Variants in PCDHA3 observed in about 807,000 individuals in gnomAD.
The protein encoded by PCDHA3 is protocadherin alpha-3.
A neutral mutation model predicts 62.2 loss-of-function variants in PCDHA3; 41 were observed. The observed-to-expected ratio is 0.66, with a 90% confidence interval of 0.51 to 0.86. The LOEUF (loss-of-function observed/expected upper bound fraction) is 0.86. PCDHA3 is among the 40% of genes least tolerant of loss of function. The probability of loss-of-function intolerance (pLI) is 0.00; values close to 1 mark genes in which losing one functional copy is unlikely to be tolerated. For synonymous variants in PCDHA3, 640 were observed against 555.4 expected (o/e 1.15, Z -2.14); for missense variants, 1,304 against 1,241.2 (o/e 1.05, Z -0.76).
At chr5:140,987,232 A>G (rs1554248942) in intron 3 of PCDHA3, among the ~76,000 whole-genome samples, 1 of 151,894 alleles carries the variant, frequency 6.6e-6, no homozygotes, top group African/African-American at 2.4e-5. Flanking sequence ...AAAAAATAAT[A>G]AATAAAGAAA....
chr5:140,802,325 C>G lies in PCDHA3; in HGVS notation c.1128C>G (p.Asp376Glu), dbSNP rs1554122039. ...TCATCGCTCTGATCAGCGTGTCCGACCGCGACTCAGGAGTCAATGGACAGG... is the reference window on the plus strand; with the variant it reads ...TCATCGCTCTGATCAGCGTGTCCGAGCGCGACTCAGGAGTCAATGGACAGG... Reference protein sequence around the residue: ...STVIALISVSDRDSGVNGQVT... With the variant: ...STVIALISVSERDSGVNGQVT... Residue 376 changes from aspartate (D) to glutamate (E), a missense_variant, in exon 1 of 4, where the codon GAC becomes GAG. By Grantham distance (45) the Asp-to-Glu change is conservative. Transcript: ENST00000522353. The G allele has an allele frequency of 1.9e-6, 3 of 1,614,134 alleles. No individual in the cohort carries two copies. In the African/African-American group the frequency reaches 4.0e-5, roughly 22 times the overall value.
At chr5:140,901,502 T>G (rs782679945) in intron 1 of PCDHA3, among the ~76,000 whole-genome samples, 1 of 152,182 alleles carries the variant, frequency 6.6e-6, no homozygotes, top group Non-Finnish European at 1.5e-5. Context: ...CGAAAATGAG[T>G]TCATTATAGA....
At chr5:140,822,961 C>T (rs1220771732) in intron 1 of PCDHA3, 20 of 1,614,146 alleles carry the variant, frequency 1.2e-5, no homozygotes, top group Non-Finnish European at 1.7e-5. Context: ...TCCCTTCAAG[C>T]TGGTGTCCAC....
chr5:140,886,931 G>C (rs1426144437), intron 1 of PCDHA3, among the ~76,000 whole-genome samples: 1 of 151,756 alleles, frequency 6.6e-6, no homozygotes, highest in South Asian at 2.1e-4. Flanking sequence ...CTATGTGCCA[G>C]GCATGTTCTA....
At chr5:140,923,950 C>T (rs544576500) in intron 1 of PCDHA3, among the ~76,000 whole-genome samples, 3 of 152,266 alleles carry the variant, frequency 2.0e-5, no homozygotes, top group Admixed American at 6.5e-5. Flanking sequence ...TTTTTCCTCA[C>T]GCCCTAATCT....
intron 1 of PCDHA3, chr5:140,830,205 G>A: frequency 1.9e-6 from 3 of 1,613,780 alleles, no homozygotes; most frequent in Non-Finnish European, 2.5e-6. Context: ...ATCGCCATCT[G>A]CGCGGTATCC....
intron 1 of PCDHA3, chr5:140,863,475 C>T: frequency 2.1e-6 from 1 of 481,584 alleles, no homozygotes; most frequent in South Asian, 1.6e-5. Flanking sequence ...TGGAGAGTCG[C>T]CTCCCAAGGT....
intron 1 of PCDHA3, chr5:140,967,116 G>A: frequency 1.2e-6 from 2 of 1,612,922 alleles, no homozygotes; most frequent in Non-Finnish European, 1.7e-6. Context: ...CGGCCTCGCT[G>A]CCTGCTCAGC....
chr5:140,801,802 G>T lies in PCDHA3; in HGVS notation c.605G>T (p.Arg202Leu), dbSNP rs782120718. Residue 202 changes from arginine (R) to leucine (L), a missense_variant, in exon 1 of 4, where the codon CGA becomes CTA. Coordinates refer to ENST00000522353, the MANE Select transcript of PCDHA3 (RefSeq NM_018906.3). Reference sequence around the variant, plus strand: ...CTCGTGTTGAAAAAAAATTTAAATCGAGAGGACACTCCTAAGCATTATTTA... The same window carrying T: ...CTCGTGTTGAAAAAAAATTTAAATCTAGAGGACACTCCTAAGCATTATTTA... ...LGLVLKKNLNREDTPKHYLLI... is the reference protein window; with the variant it reads ...LGLVLKKNLNLEDTPKHYLLI... 6.2e-7 allele frequency: 1 copy of T among 1,613,962 alleles called. No individual in the cohort carries two copies. The highest frequency in any genetic ancestry group is 8.5e-7 in the Non-Finnish European group (1 of 1,180,018).
At position 140,835,349 on chromosome 5, in the gene PCDHA3, T is replaced by C. The variant is rs2150234349; in HGVS notation, c.2394+31758T>C. ...GAGCACACAAGATCCCAGTCGAGGC[T>C]GTCGATAAAGGCTTCCCACCCCTGG... On this transcript the variant is annotated intron_variant, in intron 1 of 3. Coordinates refer to ENST00000522353, the MANE Select transcript of PCDHA3 (RefSeq NM_018906.3). 5.4e-5 allele frequency: 87 copies of C among 1,613,822 alleles called. No individual in the cohort carries two copies. In the Middle Eastern group the frequency reaches 9.9e-4, roughly 18 times the overall value.
At chr5:140,884,357 A>G (rs1562803365) in intron 1 of PCDHA3, 1 of 1,613,864 alleles carries the variant, frequency 6.2e-7, no homozygotes, top group Non-Finnish European at 8.5e-7. Flanking sequence ...GGTGGATGTC[A>G]ATGTTTACTT....
chr5:140,866,703 G>A (rs553518884), intron 1 of PCDHA3: 1 of 152,106 alleles, frequency 6.6e-6, no homozygotes, highest in East Asian at 1.9e-4. Flanking sequence ...AGTGGATGAC[G>A]TGCACTAGTA....
intron 1 of PCDHA3, among the ~76,000 whole-genome samples, chr5:140,827,296 A>G (rs1554130748): frequency 6.6e-6 from 1 of 152,262 alleles, no homozygotes; most frequent in East Asian, 1.9e-4. Flanking sequence ...AAAACAGCAA[A>G]GCACAATGGG....
chr5:140,877,014 C>A lies in PCDHA3; in HGVS notation c.2394+73423C>A, dbSNP rs559122507. On this transcript the variant is annotated intron_variant, in intron 1 of 3. Coordinates refer to ENST00000522353, the MANE Select transcript of PCDHA3 (RefSeq NM_018906.3). ...GCTACGTGTCGGTGCACGCGGAGAG[C>A]GGCAAGGTGTACGCGCTGCAGCCGC... is the stretch of plus-strand genomic sequence containing the variant. 5 of 1,612,440 alleles carry A rather than the reference C, an allele frequency of 3.1e-6. No homozygotes were observed. In the African/African-American group the frequency reaches 4.0e-5, roughly 13 times the overall value.
Position 140,870,112 on chromosome 5 carries a change from G to T in PCDHA3, c.2394+66521G>T, listed in dbSNP as rs781902121. ...AATGGCAGGTCACTGTACAGTCTGG[G>T]TGGAAATCTTGGACACCAACGATAA... On this transcript the variant is annotated intron_variant, in intron 1 of 3. Transcript: ENST00000522353. 2 of 1,613,938 alleles carry T rather than the reference G, an allele frequency of 1.2e-6. No homozygotes were observed. The highest frequency in any genetic ancestry group is 2.2e-5 in the South Asian group (2 of 91,080).
At position 140,801,375 on chromosome 5, in the gene PCDHA3, G is replaced by C. The variant is rs781848330; in HGVS notation, c.178G>C (p.Val60Leu). Residue 60 changes from valine to leucine, a missense_variant, in exon 1 of 4, where the codon GTG becomes CTG. Transcript: ENST00000522353. ...CCTGGGGCTGGAGCTGGCGGAGCTG[G>C]TGCCGCGCCTGTTCCGGGTGGCGTC... ...QDLGLELAEL[V>L]PRLFRVASKR... 15 of 1,613,516 alleles carry C rather than the reference G, an allele frequency of 9.3e-6. No homozygotes were observed. In the South Asian group the frequency reaches 1.6e-4, roughly 18 times the overall value.
intron 1 of PCDHA3, among the ~76,000 whole-genome samples, chr5:140,960,911 G>A (rs2095578426): frequency 6.6e-6 from 1 of 152,284 alleles, no homozygotes; most frequent in Non-Finnish European, 1.5e-5. Context: ...TTGAGTTTCA[G>A]ATAGAAAATT....
intron 1 of PCDHA3, chr5:140,841,123 T>C: frequency 1.6e-6 from 1 of 643,846 alleles, no homozygotes; most frequent in Non-Finnish European, 2.6e-6. Context: ...ATGTAATCAT[T>C]ACCTTTTGAA....
intron 1 of PCDHA3, chr5:140,823,539 C>A (rs2150126772): frequency 2.5e-6 from 4 of 1,613,710 alleles, no homozygotes; most frequent in African/African-American, 2.7e-5. Flanking sequence ...GTGCGGGCCA[C>A]GTGGTGGCGA....
Sources: gnomAD v4.1 joint callset for allele counts (sites outside exome capture counted in the v4.1 genomes callset) on GRCh38, gnomAD v4.1.1 for gene constraint, MANE v1.5 for transcripts, NCBI Gene and HGNC (gene_info 2026-07-23, HGNC 2026-07-21) for gene names.